FRMPD4: variants seen among roughly 807,000 people sequenced by gnomAD.
FRMPD4 encodes the protein FERM and PDZ domain containing 4.
FRMPD4 carries 22 observed loss-of-function variants against 94.1 expected under a neutral mutation model. The ratio of observed to expected loss-of-function variants is 0.23; its 90% CI spans 0.17 to 0.33. FRMPD4 has a LOEUF of 0.33. FRMPD4 is among the 10% of genes least tolerant of loss of function. FRMPD4 has a pLI of 1.00. For missense variants in FRMPD4, 1,111 were observed against 1,339.9 expected (o/e 0.83, Z 2.67); for synonymous variants, 631 against 548.6 (o/e 1.15, Z -2.10).
intron 3 of FRMPD4, among the ~76,000 whole-genome samples, chrX:12,007,528 T>G (rs2054560230): frequency 8.9e-6 from 1 of 112,120 alleles, no homozygotes; most frequent in South Asian, 3.7e-4. Flanking sequence ...GACAGGGTCC[T>G]GCAGGAGCTT....
intron 3 of FRMPD4, among the ~76,000 whole-genome samples, chrX:11,967,325 C>T (rs1488157017): frequency 1.8e-5 from 2 of 111,903 alleles, no homozygotes; most frequent in African/African-American, 6.5e-5. Context: ...CTAGCCATTA[C>T]TACTGAAAGT....
intron 3 of FRMPD4, among the ~76,000 whole-genome samples, chrX:12,010,726 A>G (rs946947955): frequency 8.9e-6 from 1 of 112,790 alleles, no homozygotes; most frequent in Non-Finnish European, 1.9e-5. Context: ...AATTAAAACT[A>G]TAATATGAGA....
intron 3 of FRMPD4, among the ~76,000 whole-genome samples, chrX:11,951,134 A>G: frequency 9.1e-6 from 1 of 110,389 alleles, no homozygotes; most frequent in Non-Finnish European, 1.9e-5. Flanking sequence ...ATGCTTATAC[A>G]CTATTGGTGG....
At chrX:12,476,155 T>C (rs1470778544) in intron 1 of FRMPD4, among the ~76,000 whole-genome samples, 1 of 111,223 alleles carries the variant, frequency 9.0e-6, no homozygotes, top group African/African-American at 3.3e-5. Flanking sequence ...TCAGAAATAA[T>C]GCCACATATC....
intron 3 of FRMPD4, among the ~76,000 whole-genome samples, chrX:12,085,529 C>A (rs1169389256): frequency 9.0e-6 from 1 of 110,567 alleles, no homozygotes; most frequent in Non-Finnish European, 1.9e-5. Flanking sequence ...CAGAGCAAGA[C>A]CCTGTCTCTT....
rs971877135 is a variant in FRMPD4 at position 12,501,088 on chromosome X, C to A, written c.158+2292C>A. Reference sequence around the variant, plus strand: ...GCCAACTGGTTAGAGGTTCTGGGAACGTCAGCTAGCTCTGCCTTCATGCAT... The same window carrying A: ...GCCAACTGGTTAGAGGTTCTGGGAAAGTCAGCTAGCTCTGCCTTCATGCAT... On this transcript the variant is annotated intron_variant, in intron 2 of 16. Transcript: ENST00000675598. 2.7e-5 allele frequency among the ~76,000 whole-genome samples: 3 copies of A among 112,108 alleles called. No individual in the cohort carries two copies. In the Admixed American group the frequency reaches 2.8e-4, roughly 11 times the overall value.
chrX:12,689,292 T>C (rs1016827971), intron 7 of FRMPD4, among the ~76,000 whole-genome samples: 2 of 111,925 alleles, frequency 1.8e-5, no homozygotes, highest in Non-Finnish European at 3.8e-5. Context: ...CTATAAAAGA[T>C]TGCTGACAAA....
At chrX:11,923,004 C>T (rs1180576189) in intron 3 of FRMPD4, among the ~76,000 whole-genome samples, 1 of 112,814 alleles carries the variant, frequency 8.9e-6, no homozygotes, top group African/African-American at 3.2e-5. Context: ...ATAACTTCTG[C>T]ACTGGTGGAC....
chrX:12,552,583 G>A (rs2058548342), intron 2 of FRMPD4, among the ~76,000 whole-genome samples: 1 of 111,808 alleles, frequency 8.9e-6, no homozygotes, highest in Admixed American at 9.5e-5. Flanking sequence ...AAATTCACTT[G>A]AAATGTTTCC....
intron 1 of FRMPD4, among the ~76,000 whole-genome samples, chrX:12,383,835 C>T (rs942253806): frequency 9.0e-6 from 1 of 111,643 alleles, no homozygotes; most frequent in African/African-American, 3.3e-5. Flanking sequence ...GGCAGCCACA[C>T]ATTCTTGTCT....
intron 3 of FRMPD4, among the ~76,000 whole-genome samples, chrX:12,012,475 A>G (rs1254102680): frequency 9.0e-6 from 1 of 111,570 alleles, no homozygotes; most frequent in South Asian, 3.7e-4. Flanking sequence ...TTGTTCATTC[A>G]ATTTGTTTAA....
chrX:12,152,923 ATTTTTTTTTTTT>A (rs11432329), intron 1 of FRMPD4, among the ~76,000 whole-genome samples: 1 of 75,753 alleles, frequency 1.3e-5, no homozygotes, highest in Non-Finnish European at 2.4e-5. Flanking sequence ...AAGCTTATAC[ATTTTTTTTTTTT>A]TTTTTTTTTG....
chrX:12,479,649 G>A (rs1248798274), intron 1 of FRMPD4, among the ~76,000 whole-genome samples: 2 of 107,309 alleles, frequency 1.9e-5, no homozygotes, highest in Admixed American at 1.0e-4. Flanking sequence ...CTACAGTTGC[G>A]CCATGCCTGG....
chrX:12,432,001 G>A (rs1277041000), intron 1 of FRMPD4, among the ~76,000 whole-genome samples: 1 of 112,055 alleles, frequency 8.9e-6, no homozygotes. Flanking sequence ...GAGAACCAGA[G>A]CCCCTCCCTG....
chrX:12,683,671 A>G, intron 6 of FRMPD4, 84 bp downstream of exon 6: 1 of 482,691 alleles, frequency 2.1e-6, no homozygotes, highest in South Asian at 3.5e-5. Context: ...CAGTAGTCCC[A>G]CTGGAATGAC....
At chrX:12,073,914 A>G (rs1193956823) in intron 3 of FRMPD4, among the ~76,000 whole-genome samples, 1 of 111,472 alleles carries the variant, frequency 9.0e-6, no homozygotes, top group Non-Finnish European at 1.9e-5. Flanking sequence ...TAGCACTTTC[A>G]TCTTTCCATT....
intron 14 of FRMPD4, among the ~76,000 whole-genome samples, chrX:12,714,699 C>T (rs753479945): frequency 7.2e-5 from 8 of 111,380 alleles, no homozygotes; most frequent in South Asian, 7.6e-4. Flanking sequence ...CCTAAACCCG[C>T]GTTACAATGC....
At chrX:11,967,777 TTA>T (rs2054319259) in intron 3 of FRMPD4, among the ~76,000 whole-genome samples, 2 of 104,527 alleles carry the variant, frequency 1.9e-5, no homozygotes, top group Admixed American at 2.1e-4. Context: ...TTTTTTTTTT[TTA>T]AGGAAGCTGA....
intron 2 of FRMPD4, among the ~76,000 whole-genome samples, chrX:11,868,935 T>A (rs1393210061): frequency 8.9e-6 from 1 of 112,408 alleles, no homozygotes; most frequent in Non-Finnish European, 1.9e-5. Flanking sequence ...CTAAAACATT[T>A]GCTATCTGGC....
Sources: gnomAD v4.1 joint callset for allele counts (sites outside exome capture counted in the v4.1 genomes callset) on GRCh38, gnomAD v4.1.1 for gene constraint, MANE v1.5 for transcripts, NCBI Gene and HGNC (gene_info 2026-07-23, HGNC 2026-07-21) for gene names.